Variants in MATN2 observed in about 807,000 individuals in gnomAD.
MATN2 encodes matrilin 2, also known as matrilin-2.
MATN2 carries 69 observed loss-of-function variants against 103.2 expected under a neutral mutation model. The observed-to-expected ratio is 0.67, with a 90% CI of 0.55 to 0.82. The LOEUF (loss-of-function observed/expected upper bound fraction) is 0.82, where lower values mean the gene tolerates loss of function less well. MATN2 is among the 40% of genes least tolerant of loss of function. The pLI, the probability that MATN2 is intolerant of heterozygous loss-of-function variation, is 0.00. For missense variants in MATN2, 1,023 were observed against 1,211.5 expected (o/e 0.84, Z 2.31); for synonymous variants, 429 against 450.2 (o/e 0.95, Z 0.60).
intron 2 of MATN2, among the ~76,000 whole-genome samples, chr8:97,906,256 G>T (rs969716515): frequency 6.6e-6 from 1 of 151,996 alleles, no homozygotes; most frequent in African/African-American, 2.4e-5. Flanking sequence ...TTTATTTTAG[G>T]CATGTAAAAA....
At chr8:97,911,504 C>T (rs758416072) in intron 2 of MATN2, among the ~76,000 whole-genome samples, 88 of 151,894 alleles carry the variant, frequency 5.8e-4, no homozygotes, top group African/African-American at 1.9e-3. Flanking sequence ...GTCAAGATAT[C>T]GAGACCATCC....
rs770361879 is a variant in MATN2, at chr8:97,931,500, C to T, written c.690C>T (p.Ser230=). 9.9e-6 allele frequency: 16 copies of T among 1,609,284 alleles called. No homozygotes were observed. The highest frequency in any genetic ancestry group is 1.3e-5 in the Non-Finnish European group (15 of 1,177,836). The change falls in exon 3 of 19, where the codon TCC becomes TCT. Residue 230 remains serine, a synonymous_variant. Transcript: ENST00000254898. The surrounding 1 kb of genome is among the most constrained non-coding windows in gnomAD (Gnocchi z 4.1). ...ANFSQIETLT[S]VFQKKLCTAH... Reference sequence around the variant, plus strand: ...TCAGCCAGATTGAGACGCTGACCTCCGTGTTCCAGAAGAAGTTGTGCAGTA... The same window carrying T: ...TCAGCCAGATTGAGACGCTGACCTCTGTGTTCCAGAAGAAGTTGTGCAGTA...
chr8:97,905,996 A>G (rs1480282426), intron 2 of MATN2, among the ~76,000 whole-genome samples: 1 of 152,176 alleles, frequency 6.6e-6, no homozygotes, highest in Non-Finnish European at 1.5e-5. Context: ...TGCTATGAAC[A>G]TTAGCACACA....
At chr8:97,973,642 T>G (rs2130295279) in intron 5 of MATN2, among the ~76,000 whole-genome samples, 1 of 151,108 alleles carries the variant, frequency 6.6e-6, no homozygotes, top group South Asian at 2.1e-4. Context: ...TGATCTTGGT[T>G]CCCCGCAGCC....
In MATN2 at chr8:97,892,304, T is replaced by C. The variant is rs940580171; in HGVS notation, c.142+4062T>C. ...GGTACACACCTATAGTCCCAGCTAA[T>C]TGAAATGCTTAGGCTGCAGGATCAC... On this transcript the variant is annotated intron_variant, in intron 2 of 18. Transcript: ENST00000254898. Among the ~76,000 whole-genome samples, 13 of 149,326 alleles carry C rather than the reference T, an allele frequency of 8.7e-5. 1 individual carries two copies. The highest frequency in any genetic ancestry group is 3.3e-3 in the Middle Eastern group (1 of 306).
chr8:97,973,118 G>T (rs1399937582), intron 5 of MATN2, among the ~76,000 whole-genome samples: 6 of 152,138 alleles, frequency 3.9e-5, no homozygotes, highest in Non-Finnish European at 4.4e-5. Flanking sequence ...CCTGGCAGTG[G>T]GTTCTTCCAT....
At chr8:98,033,470 G>A (rs1814112865) in intron 17 of MATN2, 91 bp from the exon 18 acceptor site, 1 of 718,932 alleles carries the variant, frequency 1.4e-6, no homozygotes, top group African/African-American at 1.8e-5. Context: ...TTTCATTATG[G>A]TTTCCTCCAT....
At chr8:97,912,633 G>A (rs1017651112) in intron 2 of MATN2, among the ~76,000 whole-genome samples, 1 of 152,130 alleles carries the variant, frequency 6.6e-6, no homozygotes, top group African/African-American at 2.4e-5. Flanking sequence ...AGATGAGGGT[G>A]GGCCTGCAGA....
At chr8:98,012,591 C>T (rs746904013) in intron 10 of MATN2, among the ~76,000 whole-genome samples, 13 of 152,104 alleles carry the variant, frequency 8.5e-5, no homozygotes, top group African/African-American at 2.7e-4. Context: ...GGGTGAGAAA[C>T]GAGCCTGGGG....
At chr8:98,024,231 G>A (rs1813706041) in intron 13 of MATN2, among the ~76,000 whole-genome samples, 1 of 152,200 alleles carries the variant, frequency 6.6e-6, no homozygotes, top group Non-Finnish European at 1.5e-5. Context: ...CAGGCCAGGT[G>A]TGGTGGCTCA....
chr8:97,873,298 G>C (rs1351769067), intron 1 of MATN2, among the ~76,000 whole-genome samples: 4 of 151,770 alleles, frequency 2.6e-5, no homozygotes, highest in Admixed American at 2.0e-4. Context: ...TCTGTTTAGG[G>C]CTTCTCCCTG....
intron 7 of MATN2, among the ~76,000 whole-genome samples, chr8:98,000,604 A>AAAAAAAAGAAAAAAG (rs1554613598): frequency 2.4e-5 from 3 of 127,206 alleles, no homozygotes; most frequent in Non-Finnish European, 5.0e-5. Context: ...CTCAAAAAAA[A>AAAAAAAAGAAAAAAG]AAAAAAGAAA....
At chr8:97,875,652 T>A (rs993842126) in intron 1 of MATN2, among the ~76,000 whole-genome samples, 7 of 151,930 alleles carry the variant, frequency 4.6e-5, no homozygotes, top group Non-Finnish European at 8.8e-5. Context: ...ATTTTTTATT[T>A]TTATTTTGCT....
chr8:97,937,888 C>T (rs1038799107), intron 3 of MATN2, among the ~76,000 whole-genome samples: 1 of 152,078 alleles, frequency 6.6e-6, no homozygotes, highest in African/African-American at 2.4e-5. Context: ...CTAATTTCCG[C>T]AATTGATAGG....
At chr8:98,030,797 G>A (rs1204640445) in intron 15 of MATN2, among the ~76,000 whole-genome samples, 183 bp downstream of exon 15, 1 of 151,912 alleles carries the variant, frequency 6.6e-6, no homozygotes, top group East Asian at 1.9e-4. Context: ...CGAGAAGCTG[G>A]GATTACAGGC....
rs1188923074 is a variant in MATN2, at chr8:97,950,310, C to G, written c.835+8411C>G. 2.0e-5 allele frequency among the ~76,000 whole-genome samples: 3 copies of G among 152,114 alleles called. 1 individual carries two copies. The South Asian group carries it at 6.2e-4, about 31-fold the overall frequency. ...ATGTAAGCAGGGATAAAGTATGGAG[C>G]AATTTGATTCTCAAGCTAAGTTCCA... On this transcript the variant is annotated intron_variant, in intron 4 of 18. Transcript: ENST00000254898.
intron 4 of MATN2, among the ~76,000 whole-genome samples, chr8:97,953,430 C>T (rs1030615283): frequency 1.3e-5 from 2 of 152,216 alleles, no homozygotes; most frequent in African/African-American, 4.8e-5. Flanking sequence ...CGCTTGAGCT[C>T]ATGAGTTCAA....
In MATN2 at chr8:97,869,082, A is replaced by C. The variant is rs897976031; in HGVS notation, c.-232A>C. The C allele has an allele frequency of 6.6e-6, 1 of 151,962 alleles. No individual in the cohort carries two copies. The highest frequency in any genetic ancestry group is 2.4e-5 in the African/African-American group (1 of 41,464). The allele number at this position is 151,962 out of a possible 1,614,324, so 9.4% of individuals were successfully genotyped here. On this transcript the variant is annotated 5_prime_UTR_variant, in exon 1 of 19. Transcript: ENST00000254898. Reference sequence around the variant, plus strand: ...CTTGCCCAGCGCCTCCCAGGCAGCCAGCGAGCGAAGGGAGCGCTCTGGGAT... The same window carrying C: ...CTTGCCCAGCGCCTCCCAGGCAGCCCGCGAGCGAAGGGAGCGCTCTGGGAT...
At chr8:97,950,152 G>T (rs141928414) in intron 4 of MATN2, among the ~76,000 whole-genome samples, 1 of 152,162 alleles carries the variant, frequency 6.6e-6, no homozygotes, top group Non-Finnish European at 1.5e-5. Context: ...ACAGTTTATT[G>T]TATGCCAGTT....
Sources: gnomAD v4.1 joint callset for allele counts (sites outside exome capture counted in the v4.1 genomes callset) on GRCh38, gnomAD v4.1.1 for gene constraint, Gnocchi (gnomAD v3.1) non-coding constraint, MANE v1.5 for transcripts, NCBI Gene and HGNC (gene_info 2026-07-23, HGNC 2026-07-21) for gene names.